Variants in GRIP1 observed in about 807,000 individuals in gnomAD.
GRIP1 encodes the protein glutamate receptor-interacting protein 1.
In GRIP1, 45 loss-of-function variants were observed where a neutral mutation model predicts 129.9. That is an observed-to-expected ratio of 0.35 (90% CI 0.27 to 0.44). The LOEUF (loss-of-function observed/expected upper bound fraction) is 0.44. Among genes scored for constraint, GRIP1 ranks in the 20% least tolerant of loss-of-function variants. The pLI is 1.00. For missense variants in GRIP1, 1,196 were observed against 1,396.8 expected, an observed-to-expected ratio of 0.86 and a Z score of 2.29; for synonymous variants, 530 against 520.8, an observed-to-expected ratio of 1.02 and a Z score of -0.24.
intron 1 of GRIP1, among the ~76,000 whole-genome samples, chr12:66,737,443 C>G (rs571743144): frequency 3.9e-5 from 6 of 152,010 alleles, no homozygotes; most frequent in Non-Finnish European, 8.8e-5. Context: ...GCCACCATAC[C>G]CAGATAATTT....
chr12:66,558,962 T>C (rs1355885713), intron 2 of GRIP1, among the ~76,000 whole-genome samples: 2 of 151,974 alleles, frequency 1.3e-5, no homozygotes, highest in Non-Finnish European at 1.5e-5. Context: ...CAAGATCACA[T>C]TGAAAACATC....
chr12:66,570,566 C>A (rs2062926487), intron 2 of GRIP1, among the ~76,000 whole-genome samples: 1 of 152,028 alleles, frequency 6.6e-6, no homozygotes, highest in Non-Finnish European at 1.5e-5. Flanking sequence ...AGTGTGAACC[C>A]CTGTCACACT....
At chr12:66,532,814 T>C (rs2061498138) in intron 4 of GRIP1, among the ~76,000 whole-genome samples, 2 of 152,078 alleles carry the variant, frequency 1.3e-5, no homozygotes, top group African/African-American at 2.4e-5. Flanking sequence ...CTGTCTATTT[T>C]AGAACTGAGA....
At chr12:66,742,007 C>T (rs941610534) in intron 1 of GRIP1, among the ~76,000 whole-genome samples, 3 of 152,208 alleles carry the variant, frequency 2.0e-5, no homozygotes, top group Non-Finnish European at 4.4e-5. Context: ...CAACAGCTCA[C>T]AATACTAAAG....
intron 1 of GRIP1, among the ~76,000 whole-genome samples, chr12:66,694,580 T>C (rs2136326297): frequency 6.6e-6 from 1 of 152,306 alleles, no homozygotes; most frequent in East Asian, 1.9e-4. Flanking sequence ...TAAATGAAGA[T>C]AATAAAAATA....
At chr12:66,477,761 T>A (rs1157224768) in intron 7 of GRIP1, among the ~76,000 whole-genome samples, 4 of 151,816 alleles carry the variant, frequency 2.6e-5, no homozygotes, top group Non-Finnish European at 4.4e-5. Context: ...CAAACCTGAC[T>A]AAAACAAGAA....
intron 1 of GRIP1, among the ~76,000 whole-genome samples, chr12:66,651,877 AAAC>A (rs1169455303): frequency 1.3e-5 from 2 of 152,164 alleles, no homozygotes; most frequent in African/African-American, 4.8e-5. Flanking sequence ...AGAAGGGACC[AAAC>A]AGGCTGCCCA....
At chr12:66,750,898 C>A (rs1475761191) in intron 1 of GRIP1, among the ~76,000 whole-genome samples, 2 of 152,138 alleles carry the variant, frequency 1.3e-5, no homozygotes, top group East Asian at 3.8e-4. Context: ...ATCATTAAAA[C>A]AGCATAGGCA....
At chr12:66,631,234 G>A (rs1013681991) in intron 1 of GRIP1, among the ~76,000 whole-genome samples, 2 of 152,088 alleles carry the variant, frequency 1.3e-5, no homozygotes, top group African/African-American at 4.8e-5. Flanking sequence ...CATCGCGCCT[G>A]GCTAAAACTT....
chr12:66,935,217 T>G (rs2041464997), intron 1 of GRIP1, among the ~76,000 whole-genome samples: 1 of 152,086 alleles, frequency 6.6e-6, no homozygotes, highest in Admixed American at 6.6e-5. Flanking sequence ...CCAAACAGTT[T>G]TTAAGTTTCT....
At chr12:66,525,420 A>T (rs2139038828) in intron 5 of GRIP1, among the ~76,000 whole-genome samples, 1 of 152,324 alleles carries the variant, frequency 6.6e-6, no homozygotes, top group East Asian at 1.9e-4. Flanking sequence ...ACAGAACCAA[A>T]GACAAAAACC....
intron 1 of GRIP1, among the ~76,000 whole-genome samples, chr12:66,770,013 G>A (rs2037767386): frequency 6.6e-6 from 1 of 152,180 alleles, no homozygotes; most frequent in South Asian, 2.1e-4. Flanking sequence ...CCACTCACCA[G>A]GTTGTAGCCT....
chr12:66,963,680 C>T (rs1428307774), intron 1 of GRIP1, among the ~76,000 whole-genome samples: 3 of 152,036 alleles, frequency 2.0e-5, no homozygotes, highest in East Asian at 1.9e-4. Flanking sequence ...CTCAATACTC[C>T]TTGTTCTCAT....
At chr12:66,894,421 A>G (rs1317530110) in intron 1 of GRIP1, among the ~76,000 whole-genome samples, 1 of 152,176 alleles carries the variant, frequency 6.6e-6, no homozygotes, top group African/African-American at 2.4e-5. Flanking sequence ...TTGTCCTACA[A>G]CCAAGGTCCT....
intron 1 of GRIP1, among the ~76,000 whole-genome samples, chr12:66,624,583 CA>C (rs2065407083): frequency 6.6e-6 from 1 of 152,058 alleles, no homozygotes. Context: ...TAAGTACATA[CA>C]GCAAAGAATT....
At chr12:66,868,699 CTG>C (rs1197515140) in intron 1 of GRIP1, among the ~76,000 whole-genome samples, 1 of 151,998 alleles carries the variant, frequency 6.6e-6, no homozygotes, top group Non-Finnish European at 1.5e-5. Context: ...TGAGTCCTTA[CTG>C]TGGCCATTAT....
intron 7 of GRIP1, among the ~76,000 whole-genome samples, chr12:66,485,459 T>C (rs1336021814): frequency 6.6e-6 from 1 of 151,464 alleles, no homozygotes; most frequent in East Asian, 1.9e-4. Context: ...TAAAAAATAA[T>C]TTCAAAATAT....
intron 1 of GRIP1, among the ~76,000 whole-genome samples, chr12:66,747,565 C>A (rs1000347230): frequency 6.6e-6 from 1 of 152,064 alleles, no homozygotes; most frequent in Admixed American, 6.6e-5. Context: ...TTATTTCAGG[C>A]CAACAGGGAA....
At chr12:66,696,472 A>T (rs1363754002) in intron 1 of GRIP1, among the ~76,000 whole-genome samples, 3 of 152,138 alleles carry the variant, frequency 2.0e-5, no homozygotes, top group Non-Finnish European at 4.4e-5. Context: ...CATACTCAGC[A>T]TGAAAAAGAA....
Sources: allele counts gnomAD v4.1 joint callset (sites outside exome capture counted in the v4.1 genomes callset), GRCh38; gene constraint gnomAD v4.1.1; transcripts MANE v1.5; gene names NCBI Gene and HGNC (gene_info 2026-07-23, HGNC 2026-07-21).